The following NFIC variants were observed in gnomAD, a reference collection of about 807,000 sequenced individuals.
The protein encoded by NFIC is nuclear factor 1 C-type.
NFIC carries 12 observed loss-of-function variants against 54.4 expected under a neutral mutation model. The observed-to-expected ratio is 0.22, with a 90% CI of 0.14 to 0.36. The LOEUF is 0.36. NFIC is among the 10% of genes least tolerant of loss of function. The probability of loss-of-function intolerance (pLI) is 1.00; values close to 1 mark genes in which losing one functional copy is unlikely to be tolerated. For synonymous variants in NFIC, 322 were observed against 319.2 expected (o/e 1.01, Z -0.09); for missense variants, 575 against 718.2 (o/e 0.80, Z 2.28).
At chr19:3,372,671 T>C (rs1568400838) in intron 1 of NFIC, among the ~76,000 whole-genome samples, 1 of 143,670 alleles carries the variant, frequency 7.0e-6, no homozygotes, top group Non-Finnish European at 1.5e-5. Flanking sequence ...CACTGGACGC[T>C]CTGGCCCGAG....
At chr19:3,429,784 T>A (rs2082092846) in intron 3 of NFIC, among the ~76,000 whole-genome samples, 1 of 152,102 alleles carries the variant, frequency 6.6e-6, no homozygotes, top group African/African-American at 2.4e-5. Flanking sequence ...ACTCCAACCC[T>A]GCTGGCCTGC....
chr19:3,434,950 C>A (rs565016173), intron 5 of NFIC, 133 bp from the exon 6 acceptor site: 3 of 1,256,394 alleles, frequency 2.4e-6, no homozygotes, highest in African/African-American at 3.0e-5. Flanking sequence ...ACGCCCGCGG[C>A]TCCCGCGATG....
intron 2 of NFIC, among the ~76,000 whole-genome samples, chr19:3,387,376 T>C (rs2081313373): frequency 1.3e-5 from 2 of 151,864 alleles, no homozygotes; most frequent in South Asian, 2.1e-4. Flanking sequence ...GTGGCGGGCG[T>C]CTGTAGTACC....
chr19:3,417,236 G>A (rs2081875529), intron 2 of NFIC, among the ~76,000 whole-genome samples: 1 of 152,142 alleles, frequency 6.6e-6, no homozygotes, highest in Non-Finnish European at 1.5e-5. Context: ...GAGCCCAGGA[G>A]TTAGAGACCG....
rs998256649 is a variant in NFIC, at chr19:3,370,144, C to G, written c.30+3478C>G. ...ACCAGGAGCAGGGGGCCTGCAGCCC[C>G]TCAGTGCCGGGAGAGGGGCTAAGAG... On this transcript the variant is annotated intron_variant, in intron 1 of 10. Transcript: ENST00000443272. This position sits in a 1 kb window ranked among gnomAD's most constrained non-coding sequence, Gnocchi z 5.2. Among the ~76,000 whole-genome samples, 1 of 152,200 alleles carries G rather than the reference C, an allele frequency of 6.6e-6. No individual in the cohort carries two copies. Among genetic ancestry groups the G allele is most frequent in the South Asian group, 2.1e-4 (1 of 4,836 alleles).
chr19:3,360,115 C>T (rs978602160), intron 1 of NFIC, among the ~76,000 whole-genome samples: 13 of 145,774 alleles, frequency 8.9e-5, no homozygotes, highest in African/African-American at 3.2e-4. Flanking sequence ...GGCGGGACGG[C>T]GCGTGGGGCG....
intron 7 of NFIC, among the ~76,000 whole-genome samples, chr19:3,450,861 C>G (rs911817555): frequency 4.6e-5 from 7 of 152,184 alleles, no homozygotes; most frequent in Non-Finnish European, 1.0e-4. Flanking sequence ...AACGCTGGCC[C>G]CCTGGTTGCC....
intron 6 of NFIC, among the ~76,000 whole-genome samples, chr19:3,443,954 CT>C (rs2082331508): frequency 6.6e-6 from 1 of 152,244 alleles, no homozygotes; most frequent in African/African-American, 2.4e-5. Flanking sequence ...TCCACACACT[CT>C]GTGTAGGGCC....
In NFIC at chr19:3,429,247, A is replaced by AT. The variant is rs1555754203; in HGVS notation, c.634+4070_634+4071insT. 2.8e-3 allele frequency among the ~76,000 whole-genome samples: 107 copies of AT among 37,700 alleles called. 7 individuals carry two copies. The highest frequency in any genetic ancestry group is 4.2e-3 in the Admixed American group (13 of 3,104). The allele number at this position is 37,700 out of a possible 152,430, so 24.7% of individuals were successfully genotyped here. A position where few individuals can be genotyped will look rare whatever the true frequency, so the allele number is the denominator to read the frequency against. On this transcript the variant is annotated intron_variant, in intron 3 of 10. Transcript: ENST00000443272. ...TCTCTACCCCAAAAAAAAAAAAAAA[A>AT]ATATATACACACACACACACACACA...
chr19:3,373,777 C>T (rs1314948328), intron 1 of NFIC, among the ~76,000 whole-genome samples: 1 of 152,190 alleles, frequency 6.6e-6, no homozygotes, highest in Non-Finnish European at 1.5e-5. Flanking sequence ...CAGGTGAGGG[C>T]CGAGCCCAGG....
rs1213410683 is a variant in NFIC at position 3,467,764 on chromosome 19, T to TACATATATATATATATATATATATAC, written c.*4996_*4997insCATATATATATATATATATATATACA. 2 of 126,828 alleles carry TACATATATATATATATATATATATAC rather than the reference T, an allele frequency of 1.6e-5. No individual in the cohort carries two copies. Among genetic ancestry groups the TACATATATATATATATATATATATAC allele is most frequent in the African/African-American group, 6.6e-5 (2 of 30,448 alleles). 7.9% of individuals were successfully genotyped at this position (126,828 alleles called of 1,614,324 possible). A position where few individuals can be genotyped will look rare whatever the true frequency, so the allele number is the denominator to read the frequency against. On this transcript the variant is annotated 3_prime_UTR_variant, in exon 11 of 11. Coordinates refer to ENST00000443272, the MANE Select transcript of NFIC (RefSeq NM_001245002.2). ...AGTGTAGGGCTATACTATACATATATATATATATATATATATATATATATA... is the reference window on the plus strand; with the variant it reads ...AGTGTAGGGCTATACTATACATATATACATATATATATATATATATATATACATATATATATATATATATATATATA...
intron 2 of NFIC, among the ~76,000 whole-genome samples, chr19:3,398,754 A>T (rs949991958): frequency 2.0e-5 from 3 of 152,110 alleles, no homozygotes; most frequent in Non-Finnish European, 2.9e-5. Flanking sequence ...TCGCTGCCTT[A>T]TGTAACCAGT....
chr19:3,389,033 C>A (rs141263850), intron 2 of NFIC, among the ~76,000 whole-genome samples: 2 of 152,206 alleles, frequency 1.3e-5, no homozygotes, highest in South Asian at 2.1e-4. Context: ...ATTGAAACCC[C>A]TTAAACCTCT....
At position 3,366,611 on chromosome 19, in the gene NFIC, G is replaced by GC. The variant is rs2080890235; in HGVS notation, c.-23dup. The GC allele has an allele frequency of 1.3e-6, 2 of 1,483,122 alleles. No individual in the cohort carries two copies. The highest frequency in any genetic ancestry group is 1.8e-6 in the Non-Finnish European group (2 of 1,114,702). The allele number at this position is 1,483,122 out of a possible 1,614,324, so 91.9% of individuals were successfully genotyped here. A position where few individuals can be genotyped will look rare whatever the true frequency, so the allele number is the denominator to read the frequency against. On this transcript the variant is annotated 5_prime_UTR_variant, in exon 1 of 11. Coordinates refer to ENST00000443272, the MANE Select transcript of NFIC (RefSeq NM_001245002.2). Reference sequence around the variant, plus strand: ...AAGTTCAGCGCGCCCGCTCCGGCCGGCCCTGCGCCTCCCGCCGCGCCCGGG... The same window carrying GC: ...AAGTTCAGCGCGCCCGCTCCGGCCGGCCCCTGCGCCTCCCGCCGCGCCCGGG...
chr19:3,396,560 C>G (rs59832711), intron 2 of NFIC, among the ~76,000 whole-genome samples: 6,122 of 152,022 alleles, frequency 0.04, 422 homozygotes, highest in African/African-American at 0.14. Flanking sequence ...CCCAGCCTGT[C>G]TACCACCAGG....
chr19:3,442,209 G>T lies in NFIC; in HGVS notation c.959-6805G>T, dbSNP rs190961968. On this transcript the variant is annotated intron_variant, in intron 6 of 10. Transcript: ENST00000443272. ...GAGGCCTCCCTGCTTACGCGGCTGC[G>T]TGGGGTGGAGGGAAGGTGCCTTGGA... is the stretch of plus-strand genomic sequence containing the variant. 4.6e-4 allele frequency among the ~76,000 whole-genome samples: 70 copies of T among 152,334 alleles called. 2 individuals are homozygous for T. In the East Asian group the frequency reaches 7.2e-3, roughly 16 times the overall value.
intron 3 of NFIC, among the ~76,000 whole-genome samples, chr19:3,430,611 C>T (rs935283687): frequency 2.0e-5 from 3 of 152,074 alleles, no homozygotes; most frequent in African/African-American, 2.4e-5. Context: ...CTGGTGCCCA[C>T]GCATCCCCTT....
chr19:3,411,576 CCTT>C (rs1311548267), intron 2 of NFIC, among the ~76,000 whole-genome samples: 1 of 151,252 alleles, frequency 6.6e-6, no homozygotes, highest in African/African-American at 2.4e-5. Flanking sequence ...GATCTGCCCT[CCTT>C]GGCCTCTGGG....
intron 2 of NFIC, among the ~76,000 whole-genome samples, chr19:3,393,050 C>T (rs796642344): frequency 7.2e-5 from 11 of 152,314 alleles, no homozygotes; most frequent in African/African-American, 2.6e-4. Context: ...AAGCAATTCT[C>T]CCGCCTCAGC....
Sources: allele counts gnomAD v4.1 joint callset (sites outside exome capture counted in the v4.1 genomes callset), GRCh38; gene constraint gnomAD v4.1.1; non-coding constraint Gnocchi (gnomAD v3.1); transcripts MANE v1.5; gene names NCBI Gene and HGNC (gene_info 2026-07-23, HGNC 2026-07-21).